Variants in DNM1 observed in about 807,000 individuals in gnomAD.
The protein encoded by DNM1 is dynamin 1.
In DNM1, 29 loss-of-function variants were observed where a neutral mutation model predicts 104.6. The ratio of observed to expected loss-of-function variants is 0.28; its 90% CI spans 0.21 to 0.38. The LOEUF is 0.38. Among genes scored for constraint, DNM1 ranks in the 10% least tolerant of loss-of-function variants. DNM1 has a pLI of 1.00. For missense variants in DNM1, 640 were observed against 1,189.4 expected, an observed-to-expected ratio of 0.54 and a Z score of 6.79; for synonymous variants, 445 against 475.8, an observed-to-expected ratio of 0.94 and a Z score of 0.84.
chr9:128,251,391 C>T, intron 21 of DNM1: 1 of 320,902 alleles, frequency 3.1e-6, no homozygotes, highest in Non-Finnish European at 6.2e-6. Context: ...CCTTCAGCTA[C>T]CCTGATGTCC....
intron 4 of DNM1, 135 bp downstream of exon 4, chr9:128,219,387 G>GC (rs1478488238): frequency 6.4e-6 from 5 of 782,960 alleles, no homozygotes; most frequent in Non-Finnish European, 8.2e-6. Flanking sequence ...TCACTTTGGG[G>GC]GTCAGGCATG....
At chr9:128,206,763 G>C (rs1415156230) in intron 1 of DNM1, among the ~76,000 whole-genome samples, 12 of 152,108 alleles carry the variant, frequency 7.9e-5, no homozygotes, top group Non-Finnish European at 1.8e-4. Flanking sequence ...GGACCTGAGA[G>C]ATAGGCAGGG....
chr9:128,251,029 G>A, intron 21 of DNM1, 89 bp downstream of exon 21: 2 of 904,618 alleles, frequency 2.2e-6, no homozygotes, highest in Non-Finnish European at 3.4e-6. Flanking sequence ...ATCGGACCTG[G>A]CCGCCAGAAC....
chr9:128,235,988 C>T (rs375800811), intron 11 of DNM1, among the ~76,000 whole-genome samples: 3 of 152,244 alleles, frequency 2.0e-5, no homozygotes, highest in East Asian at 1.9e-4. Context: ...GCTGAGATTA[C>T]GAGCATGAGC....
chr9:128,253,324 C>T lies in DNM1; in HGVS notation c.2535-1330C>T, dbSNP rs1829646747. ...TCTCTCACCTCCCTTCCCTGCGAGC[C>T]TCGGGACTCAGTGCCACTGCCCAAG... is the stretch of plus-strand genomic sequence containing the variant. On this transcript the variant is annotated intron_variant, in intron 21 of 21. Transcript: ENST00000372923. This position sits in a 1 kb window ranked among gnomAD's most constrained non-coding sequence, Gnocchi z 5.9. 1 of 619,580 alleles carries T rather than the reference C, an allele frequency of 1.6e-6. No homozygotes were observed. The highest frequency in any genetic ancestry group is 2.9e-6 in the Non-Finnish European group (1 of 349,872). 38.4% of individuals were successfully genotyped at this position (619,580 alleles called of 1,614,324 possible). A position where few individuals can be genotyped will look rare whatever the true frequency, so the allele number is the denominator to read the frequency against.
chr9:128,216,517 C>T (rs565979585), intron 1 of DNM1, among the ~76,000 whole-genome samples: 11 of 152,332 alleles, frequency 7.2e-5, no homozygotes, highest in Non-Finnish European at 7.3e-5. Flanking sequence ...AGAGGCTGCC[C>T]TGCTCACTGT....
chr9:128,221,650 C>T (rs997920808), intron 6 of DNM1, among the ~76,000 whole-genome samples: 3 of 152,160 alleles, frequency 2.0e-5, no homozygotes, highest in Admixed American at 6.5e-5. Flanking sequence ...AATCCCACCA[C>T]TTTGGGAGGC....
intron 1 of DNM1, among the ~76,000 whole-genome samples, chr9:128,211,319 C>T (rs1588326527): frequency 6.6e-6 from 1 of 152,284 alleles, no homozygotes; most frequent in South Asian, 2.1e-4. Context: ...TGAGTTGGGC[C>T]CCTGAGGGCT....
rs1834745159 is a variant in DNM1 at position 128,218,469 on chromosome 9, G to A, written c.236-113G>A. On this transcript the variant is annotated intron_variant, in intron 2 of 21. Coordinates refer to ENST00000372923, the MANE Select transcript of DNM1 (RefSeq NM_004408.4). The surrounding 1 kb of genome is among the most constrained non-coding windows in gnomAD (Gnocchi z 4.8). The stretch of plus-strand genomic sequence containing the variant: ...AATACATAATGGAGACGTGGGTGGT[G>A]GTTCTGCTTGGGTGTGTCTAGGGGG... 1.4e-6 allele frequency: 2 copies of A among 1,417,414 alleles called. No individual in the cohort carries two copies. Among genetic ancestry groups the A allele is most frequent in the Admixed American group, 3.5e-5 (2 of 57,074 alleles). The allele number at this position is 1,417,414 out of a possible 1,614,324, so 87.8% of individuals were successfully genotyped here.
At chr9:128,211,743 C>A (rs1314773790) in intron 1 of DNM1, among the ~76,000 whole-genome samples, 1 of 152,158 alleles carries the variant, frequency 6.6e-6, no homozygotes, top group African/African-American at 2.4e-5. Context: ...TCAGCCAACA[C>A]CTCCTCTGGG....
At position 128,250,176 on chromosome 9, in the gene DNM1, C is replaced by A; in HGVS notation, c.2138C>A (p.Thr713Lys). 6.2e-7 allele frequency: 1 copy of A among 1,614,204 alleles called. No homozygotes were observed. Among genetic ancestry groups the A allele is most frequent in the Non-Finnish European group, 8.5e-7 (1 of 1,180,030 alleles). ...CTGTACTCGTGTGGGGACCAGAACA[C>A]GCTGATGGAGGAGTCGGCGGAGCAG... ...ANLYSCGDQN[T>K]LMEESAEQAQ... is the part of the protein sequence containing the mutation. The change falls in exon 20 of 22, where the codon ACG (threonine) becomes AAG (lysine). Residue 713 changes from threonine (T) to lysine (K), a missense_variant. Physicochemically the swap from Thr to Lys is moderately conservative, Grantham distance 78. This residue lies in a region of DNM1 where 129 missense variants were observed against 224.6 expected (regional missense o/e 0.57). Coordinates refer to ENST00000372923, the MANE Select transcript of DNM1 (RefSeq NM_004408.4).
At chr9:128,225,479 G>C (rs1835286748) in intron 10 of DNM1, among the ~76,000 whole-genome samples, 1 of 152,194 alleles carries the variant, frequency 6.6e-6, no homozygotes, top group South Asian at 2.1e-4. Context: ...GCATGGCCTG[G>C]GCAGCTGGAT....
intron 10 of DNM1, among the ~76,000 whole-genome samples, chr9:128,228,298 C>T (rs150409907): frequency 7.0e-4 from 107 of 152,294 alleles, no homozygotes; most frequent in African/African-American, 2.3e-3. Flanking sequence ...CCACCTCAGC[C>T]TCCCAAAGTG....
At chr9:128,211,005 G>A (rs1456440486) in intron 1 of DNM1, among the ~76,000 whole-genome samples, 1 of 152,140 alleles carries the variant, frequency 6.6e-6, no homozygotes, top group Non-Finnish European at 1.5e-5. Context: ...CTTGGAAGGT[G>A]TTCAAAATAT....
rs543937746 is a variant in DNM1 at position 128,243,291 on chromosome 9, G to A, written c.1671+946G>A. On this transcript the variant is annotated intron_variant, in intron 15 of 21. Coordinates refer to ENST00000372923, the MANE Select transcript of DNM1 (RefSeq NM_004408.4). This position sits in a 1 kb window ranked among gnomAD's most constrained non-coding sequence, Gnocchi z 4.0. ...GTGACCAGAGAGAATGGGGAGGGCT[G>A]GGGGTGGGCTTGTGGTAATGAACTC... 4.6e-5 allele frequency among the ~76,000 whole-genome samples: 7 copies of A among 152,330 alleles called. No homozygotes were observed. The highest frequency in any genetic ancestry group is 1.3e-4 in the Admixed American group (2 of 15,298).
intron 21 of DNM1, chr9:128,251,641 T>G (rs1974630): frequency 0.12 from 17,742 of 150,634 alleles, 1,264 homozygotes; most frequent in East Asian, 0.19. Context: ...AACCACCCCC[T>G]CCGCGACTTC....
intron 11 of DNM1, among the ~76,000 whole-genome samples, chr9:128,238,363 T>G (rs1836143950): frequency 6.6e-6 from 1 of 152,160 alleles, no homozygotes; most frequent in African/African-American, 2.4e-5. Context: ...TAGCTGGGAT[T>G]ACAGGCATGT....
chr9:128,246,079 C>G (rs1202008726), intron 15 of DNM1, among the ~76,000 whole-genome samples: 1 of 152,158 alleles, frequency 6.6e-6, no homozygotes, highest in African/African-American at 2.4e-5. Flanking sequence ...AGTGTGCGGT[C>G]CCTGCCTGAG....
At chr9:128,219,705 G>A (rs1019030442) in intron 4 of DNM1, among the ~76,000 whole-genome samples, 2 of 152,196 alleles carry the variant, frequency 1.3e-5, no homozygotes, top group Non-Finnish European at 2.9e-5. Context: ...GCTCATGCCT[G>A]TAATCCCAGC....
Sources: allele counts gnomAD v4.1 joint callset (sites outside exome capture counted in the v4.1 genomes callset), GRCh38; gene constraint gnomAD v4.1.1; regional missense constraint gnomAD v4.1.1; non-coding constraint Gnocchi (gnomAD v3.1); transcripts MANE v1.5; gene names NCBI Gene and HGNC (gene_info 2026-07-23, HGNC 2026-07-21).